Variants in KCNJ16 observed in about 807,000 individuals in gnomAD.
The protein encoded by KCNJ16 is potassium inwardly rectifying channel subfamily J member 16.
KCNJ16 carries 15 observed loss-of-function variants against 18.5 expected under a neutral mutation model. The ratio of observed to expected loss-of-function variants is 0.81; its 90% CI spans 0.54 to 1.25. KCNJ16 has a LOEUF of 1.25. KCNJ16 is among the 50% of genes most tolerant of loss of function. The pLI, the probability that KCNJ16 is intolerant of heterozygous loss-of-function variation, is 0.00. For synonymous variants in KCNJ16, 174 were observed against 186.5 expected, an observed-to-expected ratio of 0.93 and a Z score of 0.55; for missense variants, 523 against 525.7, an observed-to-expected ratio of 0.99 and a Z score of 0.05.
chr17:70,132,919 A>G lies in KCNJ16; in HGVS notation c.832A>G (p.Ile278Val). 1 of 1,614,186 alleles carries G rather than the reference A, an allele frequency of 6.2e-7. No individual in the cohort carries two copies. The highest frequency in any genetic ancestry group is 8.5e-7 in the Non-Finnish European group (1 of 1,180,022). ...AGCAGTAGCCAAAGATAACTTTGAGATTTTGGTGACATTTATCTATACTGG... is the reference window on the plus strand; with the variant it reads ...AGCAGTAGCCAAAGATAACTTTGAGGTTTTGGTGACATTTATCTATACTGG... ...RKAVAKDNFEILVTFIYTGDS... is the reference protein window; with the variant it reads ...RKAVAKDNFEVLVTFIYTGDS... Residue 278 changes from isoleucine to valine, a missense_variant, in exon 4 of 4, where the codon ATT becomes GTT. Coordinates refer to ENST00000392671, the MANE Select transcript of KCNJ16 (RefSeq NM_170741.4).
chr17:70,127,045 C>A (rs1200030083), intron 2 of KCNJ16, among the ~76,000 whole-genome samples: 10 of 152,118 alleles, frequency 6.6e-5, no homozygotes, highest in Non-Finnish European at 1.5e-4. Context: ...ATATTATAAC[C>A]CCTTTCTATA....
intron 2 of KCNJ16, among the ~76,000 whole-genome samples, chr17:70,106,623 A>G (rs902010509): frequency 6.6e-6 from 1 of 152,210 alleles, no homozygotes; most frequent in Admixed American, 6.5e-5. Flanking sequence ...TTGCAATATC[A>G]AAGCTGCCTC....
intron 2 of KCNJ16, chr17:70,128,812 T>G (rs1478327368): frequency 6.6e-6 from 1 of 152,240 alleles, no homozygotes; most frequent in Non-Finnish European, 1.5e-5. Context: ...CAAGGCGGTG[T>G]GGAGCAACAC....
rs145901811 is a variant in KCNJ16 at position 70,083,434 on chromosome 17, G to T, written c.-300+8044G>T. ...CACAATGACAATTTGTTCAACGATG[G>T]GGTGCATATATGATGGTGGTCTCAA... On this transcript the variant is annotated intron_variant, in intron 1 of 3. Transcript: ENST00000392671. Among the ~76,000 whole-genome samples the T allele has an allele frequency of 8.6e-3, 1,307 of 151,648 alleles. 5 individuals are homozygous for T. Among genetic ancestry groups the T allele is most frequent in the African/African-American group, 0.021 (875 of 41,318 alleles).
At chr17:70,098,307 G>A (rs548528770) in intron 1 of KCNJ16, among the ~76,000 whole-genome samples, 1 of 152,206 alleles carries the variant, frequency 6.6e-6, no homozygotes, top group African/African-American at 2.4e-5. Flanking sequence ...AAACATATTC[G>A]TGCTTTGAAG....
At chr17:70,121,616 G>GCAAA (rs1287654607) in intron 2 of KCNJ16, among the ~76,000 whole-genome samples, 6 of 152,104 alleles carry the variant, frequency 3.9e-5, no homozygotes, top group Non-Finnish European at 8.8e-5. Context: ...TTTAAGCAAA[G>GCAAA]AGTGACATGT....
At position 70,132,896 on chromosome 17, in the gene KCNJ16, C is replaced by CTA. The variant is rs1281751516; in HGVS notation, c.809_810insTA (p.Val271LysfsTer2). On this transcript the variant is annotated frameshift_variant, in exon 4 of 4. Coordinates refer to ENST00000392671, the MANE Select transcript of KCNJ16 (RefSeq NM_170741.4). LOFTEE classifies it high-confidence loss of function. Reference sequence around the variant, plus strand: ...CCTCTGTATGCCCTTGACCGCAAAGCAGTAGCCAAAGATAACTTTGAGATT... The same window carrying CTA: ...CCTCTGTATGCCCTTGACCGCAAAGCTAAGTAGCCAAAGATAACTTTGAGATT... 4 of 1,614,018 alleles carry CTA rather than the reference C, an allele frequency of 2.5e-6. No individual in the cohort carries two copies. The Admixed American group carries it at 6.7e-5, about 27-fold the overall frequency.
In KCNJ16 at chr17:70,097,716, CT is replaced by C. The variant is rs139941450; in HGVS notation, c.-299-2941del. On this transcript the variant is annotated intron_variant, in intron 1 of 3. Coordinates refer to ENST00000392671, the MANE Select transcript of KCNJ16 (RefSeq NM_170741.4). ...GAAAATAAAATCACAAACTTCTTGT[CT>C]ACCATCCATAGACCTGATTGCATCT... is the stretch of plus-strand genomic sequence containing the variant. Among the ~76,000 whole-genome samples, 883 of 152,264 alleles carry C rather than the reference CT, an allele frequency of 5.8e-3. 8 individuals are homozygous for C. The highest frequency in any genetic ancestry group is 0.02 in the African/African-American group (829 of 41,554).
At chr17:70,093,102 C>T (rs1230203300) in intron 1 of KCNJ16, among the ~76,000 whole-genome samples, 4 of 152,124 alleles carry the variant, frequency 2.6e-5, no homozygotes, top group Non-Finnish European at 5.9e-5. Context: ...GTAAAAGATT[C>T]CTCAGAAAGG....
intron 1 of KCNJ16, among the ~76,000 whole-genome samples, chr17:70,085,425 A>G (rs1205715983): frequency 6.6e-6 from 1 of 152,230 alleles, no homozygotes; most frequent in East Asian, 1.9e-4. Context: ...TGACATAGCT[A>G]GATTTGAACT....
intron 2 of KCNJ16, among the ~76,000 whole-genome samples, chr17:70,115,615 G>C (rs2073370427): frequency 6.6e-6 from 1 of 152,106 alleles, no homozygotes; most frequent in Non-Finnish European, 1.5e-5. Flanking sequence ...GTTTGGAATG[G>C]GAAAGAGACA....
At chr17:70,095,258 C>A (rs1156485973) in intron 1 of KCNJ16, among the ~76,000 whole-genome samples, 1 of 75,674 alleles carries the variant, frequency 1.3e-5, no homozygotes, top group Non-Finnish European at 2.8e-5. Context: ...ACTGGCCAGA[C>A]CATGTAAGAC....
At chr17:70,090,987 G>A (rs966504020) in intron 1 of KCNJ16, among the ~76,000 whole-genome samples, 7 of 48,058 alleles carry the variant, frequency 1.5e-4, no homozygotes, top group African/African-American at 4.1e-4. Flanking sequence ...GGCCTTCTCT[G>A]CCTCCACTTC....
intron 2 of KCNJ16, 83 bp from the exon 3 acceptor site, chr17:70,130,796 A>G (rs1438417389): frequency 3.0e-6 from 2 of 665,118 alleles, no homozygotes; most frequent in African/African-American, 3.6e-5. Context: ...TAGCACAGGT[A>G]GACTGTGAAA....
At chr17:70,085,889 G>T (rs146644445) in intron 1 of KCNJ16, among the ~76,000 whole-genome samples, 78 of 152,150 alleles carry the variant, frequency 5.1e-4, no homozygotes, top group Middle Eastern at 6.8e-3. Flanking sequence ...AATCAATAAA[G>T]ATTTTACTCC....
intron 2 of KCNJ16, among the ~76,000 whole-genome samples, chr17:70,126,747 A>G (rs2073869192): frequency 6.6e-6 from 1 of 152,234 alleles, no homozygotes; most frequent in Non-Finnish European, 1.5e-5. Flanking sequence ...CACCAACCTA[A>G]TATTAAGGGA....
At chr17:70,081,055 T>A (rs1213785936) in intron 1 of KCNJ16, among the ~76,000 whole-genome samples, 1 of 152,232 alleles carries the variant, frequency 6.6e-6, no homozygotes, top group Non-Finnish European at 1.5e-5. Flanking sequence ...GAGTTCTATT[T>A]GTTTATTTTA....
At chr17:70,098,764 G>T (rs1283162026) in intron 1 of KCNJ16, among the ~76,000 whole-genome samples, 1 of 152,098 alleles carries the variant, frequency 6.6e-6, no homozygotes, top group African/African-American at 2.4e-5. Flanking sequence ...CTTTGAAGTT[G>T]AATTTTGAGT....
intron 2 of KCNJ16, among the ~76,000 whole-genome samples, chr17:70,106,731 T>C (rs146317198): frequency 7.2e-5 from 11 of 152,276 alleles, no homozygotes; most frequent in African/African-American, 2.6e-4. Context: ...ACCCTGGACC[T>C]TGCCTGTCTG....
Sources: allele counts gnomAD v4.1 joint callset (sites outside exome capture counted in the v4.1 genomes callset), GRCh38; gene constraint gnomAD v4.1.1; transcripts MANE v1.5; gene names NCBI Gene and HGNC (gene_info 2026-07-23, HGNC 2026-07-21).